GPR149: variants seen among roughly 807,000 people sequenced by gnomAD.
GPR149 encodes probable G protein-coupled receptor 149.
Under a neutral mutation model 50.2 loss-of-function variants are expected in GPR149, and 50 were observed. The ratio of observed to expected loss-of-function variants is 1.00; its 90% CI spans 0.79 to 1.26. GPR149 has a LOEUF of 1.26. GPR149 is among the 50% of genes most tolerant of loss of function. The pLI, the probability that GPR149 is intolerant of heterozygous loss-of-function variation, is 0.00. For missense variants in GPR149, 983 were observed against 895.4 expected, an observed-to-expected ratio of 1.10 and a Z score of -1.25; for synonymous variants, 405 against 358.2, an observed-to-expected ratio of 1.13 and a Z score of -1.48.
intron 3 of GPR149, among the ~76,000 whole-genome samples, chr3:154,409,828 C>T (rs992737418): frequency 6.6e-6 from 1 of 152,130 alleles, no homozygotes; most frequent in Non-Finnish European, 1.5e-5. Context: ...TCCAGGAAAA[C>T]CTCCCCAGTC....
chr3:154,364,996 C>T (rs530893781), intron 3 of GPR149, among the ~76,000 whole-genome samples: 3 of 152,310 alleles, frequency 2.0e-5, no homozygotes, highest in Admixed American at 2.0e-4. Context: ...GGCCCCACCC[C>T]ATGACTCTGC....
intron 3 of GPR149, chr3:154,353,671 C>T (rs1247346980): frequency 3.7e-6 from 5 of 1,355,660 alleles, no homozygotes; most frequent in East Asian, 4.6e-5. Context: ...TTTGCCAGTT[C>T]CCTTGCTGGA....
At chr3:154,407,626 T>C (rs1294160128) in intron 3 of GPR149, among the ~76,000 whole-genome samples, 4 of 151,886 alleles carry the variant, frequency 2.6e-5, no homozygotes, top group East Asian at 1.9e-4. Flanking sequence ...GTGATTAATA[T>C]AGAAATATAG....
At chr3:154,353,933 T>C in intron 3 of GPR149, 1 of 512,470 alleles carries the variant, frequency 2.0e-6, no homozygotes, top group East Asian at 4.2e-5. Context: ...TCTTTCTTTC[T>C]GTTCACATGT....
In GPR149 at chr3:154,428,691, T is replaced by A. The variant is rs778911936; in HGVS notation, c.925A>T (p.Lys309Ter). 2.5e-6 allele frequency: 4 copies of A among 1,614,164 alleles called. No individual in the cohort carries two copies. The highest frequency in any genetic ancestry group is 3.4e-6 in the Non-Finnish European group (4 of 1,180,024). Reference sequence around the variant, plus strand: ...AGCGCTAGGATCAAAGCGAAGCGCTTCTGCGCTACGCTCACGGTGAAGCTC... The same window carrying A: ...AGCGCTAGGATCAAAGCGAAGCGCTACTGCGCTACGCTCACGGTGAAGCTC... ...TRSFTVSVAQ[K>*]RFALILALTK... is the part of the protein sequence containing the mutation. The change falls in exon 1 of 4, where the codon AAG becomes TAG. Residue 309 changes from lysine to a stop codon, truncating the protein, a stop_gained. Transcript: ENST00000389740. LOFTEE classifies it high-confidence loss of function.
At chr3:154,374,411 G>C (rs1714745325) in intron 3 of GPR149, among the ~76,000 whole-genome samples, 1 of 151,850 alleles carries the variant, frequency 6.6e-6, no homozygotes, top group African/African-American at 2.4e-5. Flanking sequence ...GGACTCAAGT[G>C]ATCCGCCCAC....
rs1000934155 is a variant in GPR149 at position 154,349,544 on chromosome 3, G to A, written c.1624-11273C>T. The stretch of plus-strand genomic sequence containing the variant: ...CAAACTACTACAATGTGCCAAATGC[G>A]AAATAGGTAATTTGAATAGCCCTGT... On this transcript the variant is annotated intron_variant, in intron 3 of 3. Transcript: ENST00000389740. Among the ~76,000 whole-genome samples the A allele has an allele frequency of 8.5e-5, 13 of 152,282 alleles. No individual in the cohort carries two copies. The East Asian group carries it at 9.7e-4, about 11-fold the overall frequency.
intron 3 of GPR149, among the ~76,000 whole-genome samples, chr3:154,407,618 G>A (rs1382175288): frequency 6.6e-6 from 1 of 151,362 alleles, no homozygotes; most frequent in Non-Finnish European, 1.5e-5. Context: ...AATATGGGGT[G>A]ATTAATATAG....
intron 3 of GPR149, among the ~76,000 whole-genome samples, chr3:154,415,189 C>A (rs138403086): frequency 8.0e-4 from 121 of 151,966 alleles, no homozygotes; most frequent in African/African-American, 2.8e-3. Context: ...TTTCAGTACA[C>A]AATCTTTTAG....
Position 154,429,004 on chromosome 3 carries a change from G to A in GPR149, c.612C>T (p.Leu204=). 6.2e-7 allele frequency: 1 copy of A among 1,614,070 alleles called. No homozygotes were observed. Among genetic ancestry groups the A allele is most frequent in the South Asian group, 1.1e-5 (1 of 91,086 alleles). The change falls in exon 1 of 4, where the codon CTC becomes CTT. Residue 204 remains leucine, a synonymous_variant. Transcript: ENST00000389740. ...TGAGTGGGACTGAGAGGCCCACGAG[G>A]AGTCCGAAGGCCAAAGCGTACACGA... is the stretch of plus-strand genomic sequence containing the variant. ...LSIVYALAFG[L]LVGLSVPLTH...
At chr3:154,353,115 A>G in intron 3 of GPR149, 1 of 1,484,832 alleles carries the variant, frequency 6.7e-7, no homozygotes, top group Admixed American at 1.7e-5. Context: ...GTGTGGATTC[A>G]TGGCCATTTC....
At chr3:154,356,175 G>A (rs1714218956) in intron 3 of GPR149, among the ~76,000 whole-genome samples, 1 of 152,120 alleles carries the variant, frequency 6.6e-6, no homozygotes, top group Non-Finnish European at 1.5e-5. Context: ...TCATTCACTT[G>A]CTCACTTGAA....
chr3:154,345,294 T>C (rs1348251131), intron 3 of GPR149, among the ~76,000 whole-genome samples: 1 of 152,240 alleles, frequency 6.6e-6, no homozygotes, highest in Non-Finnish European at 1.5e-5. Context: ...TAAATGATGA[T>C]AGTTACAAGT....
At chr3:154,408,325 A>G (rs1367420858) in intron 3 of GPR149, among the ~76,000 whole-genome samples, 2 of 152,186 alleles carry the variant, frequency 1.3e-5, no homozygotes, top group East Asian at 1.9e-4. Context: ...AAAAGAATCC[A>G]CAGACCCACT....
intron 3 of GPR149, among the ~76,000 whole-genome samples, chr3:154,379,455 C>A (rs1714867832): frequency 6.6e-6 from 1 of 151,914 alleles, no homozygotes; most frequent in South Asian, 2.1e-4. Flanking sequence ...TGATGTTAAA[C>A]TTTACCAATT....
intron 3 of GPR149, among the ~76,000 whole-genome samples, chr3:154,372,715 G>A (rs189419487): frequency 5.9e-5 from 9 of 152,242 alleles, no homozygotes; most frequent in Admixed American, 5.9e-4. Flanking sequence ...AGAAATAGTG[G>A]CTATAATGAG....
At chr3:154,380,756 G>C (rs116151923) in intron 3 of GPR149, among the ~76,000 whole-genome samples, 382 of 152,146 alleles carry the variant, frequency 2.5e-3, no homozygotes, top group African/African-American at 8.8e-3. Flanking sequence ...CTTGCTATTA[G>C]ACCAGGTGTC....
At chr3:154,342,167 A>G (rs1247835628) in intron 3 of GPR149, among the ~76,000 whole-genome samples, 2 of 152,302 alleles carry the variant, frequency 1.3e-5, no homozygotes. Flanking sequence ...TTGATTGCAA[A>G]AAACTTTGAA....
At chr3:154,417,498 G>A (rs551302979) in intron 3 of GPR149, among the ~76,000 whole-genome samples, 1 of 152,084 alleles carries the variant, frequency 6.6e-6, no homozygotes, top group Non-Finnish European at 1.5e-5. Context: ...ATAAAAGAGA[G>A]CTCACTAAAT....
Sources: allele counts gnomAD v4.1 joint callset (sites outside exome capture counted in the v4.1 genomes callset), GRCh38; gene constraint gnomAD v4.1.1; transcripts MANE v1.5; gene names NCBI Gene and HGNC (gene_info 2026-07-23, HGNC 2026-07-21).